MYCBP2: variants seen among roughly 807,000 people sequenced by gnomAD.
MYCBP2 encodes MYC binding protein 2.
In MYCBP2, 120 loss-of-function variants were observed where a neutral mutation model predicts 525.3. The observed-to-expected ratio is 0.23, with a 90% CI of 0.20 to 0.27. The LOEUF is 0.27. Among genes scored for constraint, MYCBP2 ranks in the 10% least tolerant of loss-of-function variants. MYCBP2 has a pLI of 1.00. For synonymous variants in MYCBP2, 1,894 were observed against 1,955.8 expected (o/e 0.97, Z 0.83); for missense variants, 4,149 against 5,657.1 (o/e 0.73, Z 8.55).
chr13:77,261,370 A>G lies in MYCBP2; in HGVS notation c.1653T>C (p.Tyr551=), dbSNP rs778218483. The G allele has an allele frequency of 6.3e-7, 1 of 1,594,288 alleles. No individual in the cohort carries two copies. Among genetic ancestry groups the G allele is most frequent in the Non-Finnish European group, 8.5e-7 (1 of 1,172,248 alleles). Residue 551 remains tyrosine (Y), a synonymous_variant, in exon 12 of 83, where the codon TAT becomes TAC. Transcript: ENST00000544440. The part of the protein sequence containing the change: ...ALMKTANGKI[Y]YTGKYQSLGI... ...CAAGACTCTGGTATTTGCCAGTGTA[A>G]TATATCTTATGTATTAAAAAAAAAA...
chr13:77,048,742 C>T (rs2154051012), intron 82 of MYCBP2, among the ~76,000 whole-genome samples: 1 of 152,264 alleles, frequency 6.6e-6, no homozygotes, highest in South Asian at 2.1e-4. Flanking sequence ...TCATTCCTTC[C>T]TTCTGCCAAC....
chr13:77,068,448 CA>C, intron 70 of MYCBP2, 116 bp downstream of exon 70: 1 of 1,244,434 alleles, frequency 8.0e-7, no homozygotes, highest in Non-Finnish European at 1.1e-6. Flanking sequence ...CAAAATATAA[CA>C]AAATACGAAA....
chr13:77,168,887 G>A (rs1029477975), intron 39 of MYCBP2, among the ~76,000 whole-genome samples: 1 of 151,952 alleles, frequency 6.6e-6, no homozygotes, highest in Admixed American at 6.6e-5. Flanking sequence ...AAGTAAATCA[G>A]GTTTTACTTA....
intron 1 of MYCBP2, among the ~76,000 whole-genome samples, chr13:77,318,779 C>T (rs1296808735): frequency 6.6e-6 from 1 of 152,080 alleles, no homozygotes; most frequent in African/African-American, 2.4e-5. Context: ...ACAAAAACTT[C>T]AATTACTTGA....
chr13:77,180,366 A>G, intron 33 of MYCBP2, 48 bp from the exon 34 acceptor site: 1 of 1,510,910 alleles, frequency 6.6e-7, no homozygotes, highest in Non-Finnish European at 9.1e-7. Context: ...ATTTTCCTTC[A>G]TAGGAGTACT....
At chr13:77,270,564 G>A (rs1167623725) in intron 5 of MYCBP2, 26 bp from the exon 6 acceptor site, 8 of 1,563,738 alleles carry the variant, frequency 5.1e-6, no homozygotes, top group Middle Eastern at 1.7e-4. Context: ...GAAAAATAAT[G>A]AAAAAACATT....
intron 26 of MYCBP2, among the ~76,000 whole-genome samples, chr13:77,199,374 C>A (rs574557091): frequency 2.9e-4 from 44 of 152,252 alleles, no homozygotes; most frequent in African/African-American, 1.0e-3. Context: ...TATCCTGCAC[C>A]TGACTCGGAG....
intron 3 of MYCBP2, among the ~76,000 whole-genome samples, chr13:77,285,966 G>A (rs1366722242): frequency 6.6e-6 from 1 of 152,006 alleles, no homozygotes; most frequent in East Asian, 1.9e-4. Flanking sequence ...TGCAGACAAA[G>A]GAAATAAGAA....
rs1296534883 is a variant in MYCBP2 at position 77,088,940 on chromosome 13, G to A, written c.10617C>T (p.Phe3539=). The A allele has an allele frequency of 6.2e-7, 1 of 1,613,496 alleles. No homozygotes were observed. ...TAACAAAAGCTAAAACTGGCCACTGGAAATTTCGTTCTCCTTTAGAAAGAG... is the reference window on the plus strand; with the variant it reads ...TAACAAAAGCTAAAACTGGCCACTGAAAATTTCGTTCTCCTTTAGAAAGAG... The part of the protein sequence containing the change: ...HSSLSKGERN[F]QWPVLAFVIQ... The change falls in exon 61 of 83, where the codon TTC becomes TTT. Residue 3539 remains phenylalanine, a synonymous_variant. Coordinates refer to ENST00000544440, the MANE Select transcript of MYCBP2 (RefSeq NM_015057.5).
At chr13:77,123,830 A>G (rs1453642865) in intron 54 of MYCBP2, among the ~76,000 whole-genome samples, 1 of 152,164 alleles carries the variant, frequency 6.6e-6, no homozygotes, top group Non-Finnish European at 1.5e-5. Flanking sequence ...CCCCTTAGGT[A>G]TTTTCATTTA....
At chr13:77,094,817 T>C (rs2045985125) in intron 58 of MYCBP2, among the ~76,000 whole-genome samples, 1 of 152,172 alleles carries the variant, frequency 6.6e-6, no homozygotes, top group Non-Finnish European at 1.5e-5. Context: ...AACAGCATCT[T>C]ACATACATAC....
intron 30 of MYCBP2, 109 bp downstream of exon 30, chr13:77,188,842 G>C (rs979415320): frequency 1.4e-5 from 9 of 624,088 alleles, no homozygotes; most frequent in Non-Finnish European, 2.0e-5. Flanking sequence ...CCAAATCTGA[G>C]TTTATAAATC....
intron 2 of MYCBP2, among the ~76,000 whole-genome samples, chr13:77,295,138 T>A (rs537686953): frequency 2.0e-5 from 3 of 152,074 alleles, no homozygotes; most frequent in Non-Finnish European, 4.4e-5. Context: ...TTATTTTTAT[T>A]TATTTATTTA....
At chr13:77,263,562 C>G (rs2073646572) in intron 10 of MYCBP2, 89 bp downstream of exon 10, 1 of 1,118,676 alleles carries the variant, frequency 8.9e-7, no homozygotes, top group Admixed American at 2.3e-5. Flanking sequence ...ACAACATAAG[C>G]TGAACTGGTG....
intron 18 of MYCBP2, among the ~76,000 whole-genome samples, chr13:77,227,521 T>G: frequency 6.9e-6 from 1 of 145,082 alleles, no homozygotes; most frequent in East Asian, 2.0e-4. Context: ...CACACACAAA[T>G]ACATATCTTC....
At chr13:77,267,992 A>G in intron 7 of MYCBP2, 55 bp from the exon 8 acceptor site, 1 of 1,153,528 alleles carries the variant, frequency 8.7e-7, no homozygotes, top group Non-Finnish European at 1.3e-6. Context: ...TTCAGCAGAA[A>G]CAGCAGCCAT....
chr13:77,180,208 G>A lies in MYCBP2; in HGVS notation c.5052C>T (p.Phe1684=), dbSNP rs1201002629. The change falls in exon 34 of 83, where the codon TTC becomes TTT. Residue 1684 remains phenylalanine (F), a synonymous_variant. Transcript: ENST00000544440. ...AGGTGTTAGAGACGAGGTGGGAGGA[G>A]AAGAGTTCATTTTCTCTCCTCAGGC... The part of the protein sequence containing the change: ...RNSLRRENEL[F]SSHLVSNTCG... 5 of 1,614,020 alleles carry A rather than the reference G, an allele frequency of 3.1e-6. No individual in the cohort carries two copies. The highest frequency in any genetic ancestry group is 4.2e-6 in the Non-Finnish European group (5 of 1,180,000).
At chr13:77,288,044 T>TTAA in intron 3 of MYCBP2, 117 bp downstream of exon 3, 1 of 1,038,288 alleles carries the variant, frequency 9.6e-7, no homozygotes, top group South Asian at 1.6e-5. Context: ...TAAGCCGTGT[T>TTAA]ATTTTTAGTG....
intron 1 of MYCBP2, among the ~76,000 whole-genome samples, chr13:77,310,419 G>A (rs963971617): frequency 1.3e-5 from 2 of 152,108 alleles, no homozygotes; most frequent in African/African-American, 4.8e-5. Context: ...TGTAAATAAA[G>A]TTATATTGGA....
Sources: gnomAD v4.1 joint callset for allele counts (sites outside exome capture counted in the v4.1 genomes callset) on GRCh38, gnomAD v4.1.1 for gene constraint, MANE v1.5 for transcripts, NCBI Gene and HGNC (gene_info 2026-07-23, HGNC 2026-07-21) for gene names.